The following NBAS variants were observed in gnomAD, a reference collection of about 807,000 sequenced individuals.
NBAS encodes NBAS subunit of NRZ tethering complex, also known as NAG/BC035112 fusion.
In NBAS, 219 loss-of-function variants were observed where a neutral mutation model predicts 302.5. The ratio of observed to expected loss-of-function variants is 0.72; its 90% CI spans 0.65 to 0.81. The LOEUF (loss-of-function observed/expected upper bound fraction) is 0.81, where lower values mean the gene tolerates loss of function less well. Ranked by LOEUF, NBAS falls within the 30% of genes least tolerant of loss-of-function variation. The pLI is 0.00. For synonymous variants in NBAS, 1,118 were observed against 1,021.6 expected (o/e 1.09, Z -1.80); for missense variants, 2,932 against 2,841.6 (o/e 1.03, Z -0.72).
At chr2:15,230,712 C>G (rs1216879420) in intron 47 of NBAS, among the ~76,000 whole-genome samples, 9 of 152,174 alleles carry the variant, frequency 5.9e-5, no homozygotes, top group African/African-American at 1.9e-4. Context: ...GACCAGGATC[C>G]AGAGTCAGCC....
chr2:14,882,403 A>G, the NBAS span, among the ~76,000 whole-genome samples: 3 of 152,196 alleles, frequency 2.0e-5, no homozygotes, highest in African/African-American at 7.2e-5. Context: ...TATGAAATAG[A>G]AAGATGAACC....
the NBAS span, among the ~76,000 whole-genome samples, chr2:15,116,900 T>C: frequency 6.6e-6 from 1 of 152,176 alleles, no homozygotes; most frequent in African/African-American, 2.4e-5. Context: ...TCACATTAAA[T>C]ATATATGCTA....
Position 15,365,780 on chromosome 2 carries a change from A to G in NBAS, c.3817+800T>C, listed in dbSNP as rs542054995. On this transcript the variant is annotated intron_variant, in intron 32 of 51. Coordinates refer to ENST00000281513, the MANE Select transcript of NBAS (RefSeq NM_015909.4). ...ATATTTAGTCCATTAAATATGTTAC[A>G]TATATATATGGCTTAGATGAATACA... is the stretch of plus-strand genomic sequence containing the variant. Among the ~76,000 whole-genome samples the G allele has an allele frequency of 8.8e-4, 134 of 152,110 alleles. 2 individuals carry two copies. Among genetic ancestry groups the G allele is most frequent in the Admixed American group, 7.6e-3 (116 of 15,280 alleles).
intron 25 of NBAS, among the ~76,000 whole-genome samples, chr2:15,410,084 T>G (rs951841315): frequency 6.6e-6 from 1 of 152,218 alleles, no homozygotes; most frequent in African/African-American, 2.4e-5. Context: ...CAGGGAGTCA[T>G]GCTCCTCTGC....
chr2:14,803,061 AT>A, the NBAS span, among the ~76,000 whole-genome samples: 1 of 152,336 alleles, frequency 6.6e-6, no homozygotes, highest in South Asian at 2.1e-4. Context: ...AAATAAAAAA[AT>A]AAAAACAATT....
At chr2:15,221,400 T>G (rs184107413) in intron 47 of NBAS, among the ~76,000 whole-genome samples, 1 of 152,250 alleles carries the variant, frequency 6.6e-6, no homozygotes, top group East Asian at 1.9e-4. Context: ...ACTTAATAAA[T>G]AGTAACCACC....
the NBAS span, among the ~76,000 whole-genome samples, chr2:14,922,618 T>A: frequency 6.6e-6 from 1 of 152,184 alleles, no homozygotes; most frequent in East Asian, 1.9e-4. Flanking sequence ...GGCCCCACCC[T>A]TGTGACTTTC....
intron 40 of NBAS, among the ~76,000 whole-genome samples, chr2:15,305,650 C>T (rs1273594993): frequency 6.6e-6 from 1 of 151,960 alleles, no homozygotes; most frequent in East Asian, 1.9e-4. Flanking sequence ...CGGGGTTTCA[C>T]CATGTTGGCT....
chr2:14,822,788 ATATAAT>A, the NBAS span, among the ~76,000 whole-genome samples: 4 of 152,248 alleles, frequency 2.6e-5, no homozygotes, highest in African/African-American at 7.2e-5. Context: ...TTGTTGTTTG[ATATAAT>A]TATAGATCAC....
At chr2:14,830,632 G>C in the NBAS span, among the ~76,000 whole-genome samples, 1 of 152,114 alleles carries the variant, frequency 6.6e-6, no homozygotes, top group South Asian at 2.1e-4. Flanking sequence ...TGTTGCCTTC[G>C]TGTAAATGAG....
In NBAS at chr2:15,353,605, G is replaced by A. The variant is rs1407240944; in HGVS notation, c.4037C>T (p.Pro1346Leu). 6.2e-7 allele frequency: 1 copy of A among 1,614,084 alleles called. No individual in the cohort carries two copies. Among genetic ancestry groups the A allele is most frequent in the Non-Finnish European group, 8.5e-7 (1 of 1,179,966 alleles). ...ELMAFALTHC[P>L]PSSIELLLAA... ...CAAAAGAAGTTCAATGCTGCTAGGA[G>A]GGCAATGTGTCAAAGCAAAAGCCAT... Residue 1346 changes from proline to leucine, a missense_variant, in exon 34 of 52, where the codon CCT becomes CTT. Physicochemically the swap from Pro to Leu is moderately conservative, Grantham distance 98. Coordinates refer to ENST00000281513, the MANE Select transcript of NBAS (RefSeq NM_015909.4).
the NBAS span, among the ~76,000 whole-genome samples, chr2:14,828,351 G>A: frequency 6.6e-6 from 1 of 152,134 alleles, no homozygotes; most frequent in Admixed American, 6.6e-5. Flanking sequence ...TGACACCTGG[G>A]TGATGAGAGG....
the NBAS span, among the ~76,000 whole-genome samples, chr2:14,847,649 T>C: frequency 1.3e-5 from 2 of 152,084 alleles, no homozygotes; most frequent in Non-Finnish European, 2.9e-5. Context: ...AAAATATTAT[T>C]AGGGCTAAGG....
At position 15,218,797 on chromosome 2, in the gene NBAS, G is replaced by A; in HGVS notation, c.6408C>T (p.Leu2136=). The A allele has an allele frequency of 6.2e-7, 1 of 1,614,236 alleles. No individual in the cohort carries two copies. Among genetic ancestry groups the A allele is most frequent in the Non-Finnish European group, 8.5e-7 (1 of 1,180,040 alleles). The change falls in exon 48 of 52, where the codon CTC becomes CTT. Residue 2136 remains leucine (L), a synonymous_variant. Coordinates refer to ENST00000281513, the MANE Select transcript of NBAS (RefSeq NM_015909.4). The part of the protein sequence containing the change: ...LLVFFRTEAI[L]KASWPQRQVD... Reference sequence around the variant, plus strand: ...CCTGTCTCTGGGGCCAGGAGGCTTTGAGAATGGCTTCAGTTCTAAAGAACA... The same window carrying A: ...CCTGTCTCTGGGGCCAGGAGGCTTTAAGAATGGCTTCAGTTCTAAAGAACA...
chr2:14,943,867 T>C, the NBAS span, among the ~76,000 whole-genome samples: 1 of 152,160 alleles, frequency 6.6e-6, no homozygotes, highest in Non-Finnish European at 1.5e-5. Context: ...TGATTCCTTT[T>C]TTGCAAGCAC....
chr2:15,524,709 C>T (rs1028024397), intron 9 of NBAS, among the ~76,000 whole-genome samples: 1 of 152,108 alleles, frequency 6.6e-6, no homozygotes, highest in African/African-American at 2.4e-5. Flanking sequence ...CCCATTGATC[C>T]TATTAAATCT....
At chr2:15,486,396 CCT>C (rs1187122004) in intron 12 of NBAS, among the ~76,000 whole-genome samples, 1 of 152,106 alleles carries the variant, frequency 6.6e-6, no homozygotes, top group Non-Finnish European at 1.5e-5. Context: ...GCATAGCTCC[CCT>C]GATTGACAGA....
chr2:15,086,646 C>T, the NBAS span, among the ~76,000 whole-genome samples: 2 of 152,144 alleles, frequency 1.3e-5, no homozygotes, highest in Admixed American at 6.5e-5. Flanking sequence ...CCACATTCCC[C>T]AGTGCCAGCT....
intron 28 of NBAS, among the ~76,000 whole-genome samples, chr2:15,389,394 T>C (rs1675477844): frequency 6.6e-6 from 1 of 152,226 alleles, no homozygotes; most frequent in South Asian, 2.1e-4. Flanking sequence ...AGAAGAATAA[T>C]GCACTATTTC....
Sources: gnomAD v4.1 joint callset for allele counts (sites outside exome capture counted in the v4.1 genomes callset) on GRCh38, gnomAD v4.1.1 for gene constraint, MANE v1.5 for transcripts, NCBI Gene and HGNC (gene_info 2026-07-23, HGNC 2026-07-21) for gene names.